Variants in HLCS observed in about 807,000 individuals in gnomAD.
The protein encoded by HLCS is biotin--protein ligase.
A neutral mutation model predicts 75.0 loss-of-function variants in HLCS; 53 were observed. The ratio of observed to expected loss-of-function variants is 0.71; its 90% confidence interval spans 0.57 to 0.89. The LOEUF is 0.89. HLCS is among the 40% of genes least tolerant of loss of function. The pLI is 0.00. For missense variants in HLCS, 966 were observed against 1,074.0 expected (o/e 0.90, Z 1.41); for synonymous variants, 431 against 428.6 (o/e 1.01, Z -0.07).
chr21:36,892,355 C>T lies in HLCS; in HGVS notation c.1892+4505G>A, dbSNP rs1451851503. The stretch of plus-strand genomic sequence containing the variant: ...GGGCAGAACGCGGGTTGCCAGACAG[C>T]GACAAGGAAACATAGTGGCCGCCAG... On this transcript the variant is annotated intron_variant, in intron 6 of 10. Coordinates refer to ENST00000674895, the MANE Select transcript of HLCS (RefSeq NM_001352514.2). Among the ~76,000 whole-genome samples, 7 of 152,058 alleles carry T rather than the reference C, an allele frequency of 4.6e-5. No individual in the cohort carries two copies. In the East Asian group the frequency reaches 9.6e-4, roughly 21 times the overall value.
chr21:36,955,593 T>C (rs2067896776), intron 2 of HLCS, among the ~76,000 whole-genome samples: 1 of 151,760 alleles, frequency 6.6e-6, no homozygotes, highest in South Asian at 2.1e-4. Context: ...TACGAAAGAA[T>C]CAAAAATTTT....
chr21:36,817,565 TCACCCACTG>T (rs2061699568), intron 6 of HLCS, among the ~76,000 whole-genome samples: 1 of 152,210 alleles, frequency 6.6e-6, no homozygotes. Flanking sequence ...GCCTGCTTCT[TCACCCACTG>T]CACTGGGGCT....
chr21:36,938,655 C>T (rs1343484586), intron 3 of HLCS, among the ~76,000 whole-genome samples, 177 bp downstream of exon 3: 2 of 152,144 alleles, frequency 1.3e-5, no homozygotes, highest in African/African-American at 4.8e-5. Context: ...TGCACCACCA[C>T]ACCCAGCTAA....
intron 6 of HLCS, among the ~76,000 whole-genome samples, chr21:36,857,351 T>C (rs932561415): frequency 6.6e-6 from 1 of 152,148 alleles, no homozygotes; most frequent in African/African-American, 2.4e-5. Context: ...TCCAAAGCTG[T>C]AGGTGGAATG....
intron 6 of HLCS, among the ~76,000 whole-genome samples, chr21:36,791,233 T>C (rs80247793): frequency 0.014 from 2,153 of 152,068 alleles, 37 homozygotes; most frequent in African/African-American, 0.049. Flanking sequence ...AAACCCCACA[T>C]AGGATGTCCG....
chr21:36,790,128 T>G (rs529209137), intron 6 of HLCS, among the ~76,000 whole-genome samples: 90 of 152,294 alleles, frequency 5.9e-4, no homozygotes, highest in Non-Finnish European at 1.1e-3. Flanking sequence ...GTTTTGGGCC[T>G]GGCGCAGTGG....
intron 6 of HLCS, among the ~76,000 whole-genome samples, chr21:36,886,304 G>A (rs1226012970): frequency 1.3e-5 from 2 of 151,856 alleles, no homozygotes; most frequent in Admixed American, 6.6e-5. Context: ...GTGGTAGCAG[G>A]TGTCTGTAGT....
chr21:36,749,101 G>A lies in HLCS; in HGVS notation c.*5145C>T, dbSNP rs866698262. The A allele has an allele frequency of 2.0e-5, 3 of 152,630 alleles. No individual in the cohort carries two copies. The highest frequency in any genetic ancestry group is 4.8e-5 in the African/African-American group (2 of 41,446). The allele number at this position is 152,630 out of a possible 1,614,324, so 9.5% of individuals were successfully genotyped here. A position where few individuals can be genotyped will look rare whatever the true frequency, so the allele number is the denominator to read the frequency against. ...ATTTTCTACACAGCGAGAAAACTTCGTAAGAACATGTTACGTGTGCAACAG... is the reference window on the plus strand; with the variant it reads ...ATTTTCTACACAGCGAGAAAACTTCATAAGAACATGTTACGTGTGCAACAG... On this transcript the variant is annotated 3_prime_UTR_variant, in exon 11 of 11. Transcript: ENST00000674895.
intron 6 of HLCS, among the ~76,000 whole-genome samples, chr21:36,783,191 C>T (rs1228142095): frequency 1.3e-5 from 2 of 152,092 alleles, no homozygotes; most frequent in Non-Finnish European, 2.9e-5. Context: ...AACAATGCTG[C>T]CCATCAGAAT....
chr21:36,819,778 A>G (rs2061771119), intron 6 of HLCS, among the ~76,000 whole-genome samples: 1 of 152,138 alleles, frequency 6.6e-6, no homozygotes, highest in African/African-American at 2.4e-5. Context: ...TGGGCTCCCA[A>G]ATCCATACTC....
At chr21:36,966,013 G>A (rs1262615047) in intron 1 of HLCS, among the ~76,000 whole-genome samples, 1 of 152,134 alleles carries the variant, frequency 6.6e-6, no homozygotes, top group Non-Finnish European at 1.5e-5. Context: ...TTCCTCCTAG[G>A]CCTCCCAGAG....
At chr21:36,788,763 G>C (rs2060772185) in intron 6 of HLCS, among the ~76,000 whole-genome samples, 1 of 152,184 alleles carries the variant, frequency 6.6e-6, no homozygotes, top group Non-Finnish European at 1.5e-5. Flanking sequence ...AACTTCTTTG[G>C]TAAAGATGAA....
chr21:36,946,086 A>G, intron 2 of HLCS: 1 of 984,980 alleles, frequency 1.0e-6, no homozygotes, highest in Non-Finnish European at 1.2e-6. Flanking sequence ...ATGGTTCCAA[A>G]ATATAAAGTC....
chr21:36,855,983 A>G (rs1258323131), intron 6 of HLCS, among the ~76,000 whole-genome samples: 3 of 152,166 alleles, frequency 2.0e-5, no homozygotes, highest in Non-Finnish European at 2.9e-5. Context: ...CGCATGTTAT[A>G]TGATTCCATA....
rs1601084816 is a variant in HLCS, at chr21:36,753,882, T to G, written c.*364A>C. On this transcript the variant is annotated 3_prime_UTR_variant, in exon 11 of 11. Transcript: ENST00000674895. The surrounding 1 kb of genome is among the most constrained non-coding windows in gnomAD (Gnocchi z 4.3). ...CAAGAGCATATTTTGGTTTGTTTTT[T>G]CATAGACTAGGGGTAAAGGTCTGCA... is the stretch of plus-strand genomic sequence containing the variant. 2.9e-6 allele frequency: 1 copy of G among 347,730 alleles called. No homozygotes were observed. The highest frequency in any genetic ancestry group is 7.5e-5 in the East Asian group (1 of 13,348). 21.5% of individuals were successfully genotyped at this position (347,730 alleles called of 1,614,324 possible). A position where few individuals can be genotyped will look rare whatever the true frequency, so the allele number is the denominator to read the frequency against.
At chr21:36,945,209 G>GT (rs947516950) in intron 2 of HLCS, among the ~76,000 whole-genome samples, 12 of 150,124 alleles carry the variant, frequency 8.0e-5, no homozygotes, top group African/African-American at 2.2e-4. Flanking sequence ...GTGACTACAG[G>GT]TTTTTTTTTG....
In HLCS at chr21:36,749,673, A is replaced by G. The variant is rs2089308942; in HGVS notation, c.*4573T>C. The G allele has an allele frequency of 6.6e-6, 1 of 152,186 alleles. No homozygotes were observed. Among genetic ancestry groups the G allele is most frequent in the Admixed American group, 6.5e-5 (1 of 15,284 alleles). 9.4% of individuals were successfully genotyped at this position (152,186 alleles called of 1,614,324 possible). A position where few individuals can be genotyped will look rare whatever the true frequency, so the allele number is the denominator to read the frequency against. On this transcript the variant is annotated 3_prime_UTR_variant, in exon 11 of 11. Transcript: ENST00000674895. ...CCTTGTGAGTGTGTGCACAGGAAAT[A>G]AGCCGAGGGTATTATTTTTTTATGT... is the stretch of plus-strand genomic sequence containing the variant.
chr21:36,831,168 AT>A (rs887761451), intron 6 of HLCS, among the ~76,000 whole-genome samples: 8 of 152,072 alleles, frequency 5.3e-5, no homozygotes, highest in East Asian at 3.9e-4. Flanking sequence ...GCTCCAATCT[AT>A]TTTTTTTAAC....
chr21:36,869,478 C>T (rs1239841626), intron 6 of HLCS, among the ~76,000 whole-genome samples: 1 of 152,200 alleles, frequency 6.6e-6, no homozygotes, highest in Non-Finnish European at 1.5e-5. Flanking sequence ...ATCTCAGCAT[C>T]TACCAGAAAA....
Sources: allele counts gnomAD v4.1 joint callset (sites outside exome capture counted in the v4.1 genomes callset), GRCh38; gene constraint gnomAD v4.1.1; non-coding constraint Gnocchi (gnomAD v3.1); transcripts MANE v1.5; gene names NCBI Gene and HGNC (gene_info 2026-07-23, HGNC 2026-07-21).